The following IGSF10 variants were observed in gnomAD, a reference collection of about 807,000 sequenced individuals.
The protein encoded by IGSF10 is immunoglobulin superfamily member 10.
Under a neutral mutation model 128.2 loss-of-function variants are expected in IGSF10, and 126 were observed. The observed-to-expected ratio is 0.98, with a 90% CI of 0.85 to 1.14. The LOEUF (loss-of-function observed/expected upper bound fraction) is 1.14. IGSF10 is among the 50% of genes most tolerant of loss of function. The pLI is 0.00. For synonymous variants in IGSF10, 1,185 were observed against 1,146.2 expected, an observed-to-expected ratio of 1.03 and a Z score of -0.68; for missense variants, 3,295 against 3,149.8, an observed-to-expected ratio of 1.05 and a Z score of -1.10.
chr3:151,551,821 T>A, the IGSF10 span, among the ~76,000 whole-genome samples: 16 of 152,306 alleles, frequency 1.1e-4, no homozygotes, highest in African/African-American at 3.6e-4. Flanking sequence ...TCAAGAATTT[T>A]AAGTTACAAA....
chr3:151,534,586 G>T, the IGSF10 span, among the ~76,000 whole-genome samples: 1 of 149,088 alleles, frequency 6.7e-6, no homozygotes, highest in Non-Finnish European at 1.5e-5. Flanking sequence ...GTTCTCACTC[G>T]TAAGTGGGAG....
Position 151,443,258 on chromosome 3 carries a change from A to G in IGSF10, c.5689T>C (p.Phe1897Leu), listed in dbSNP as rs796635396. The G allele has an allele frequency of 3.1e-6, 5 of 1,611,582 alleles. No individual in the cohort carries two copies. In the African/African-American group the frequency reaches 4.0e-5, roughly 13 times the overall value. ...LQFTNSKLFL[F>L]SNGTLYIRNL... is the part of the protein sequence containing the mutation. ...CTTATATACAAAGTCCCATTTGAAA[A>G]TAAGAACAACTTGGAATTGGTAAAC... Residue 1897 changes from phenylalanine to leucine, a missense_variant, in exon 7 of 8, where the codon TTT (phenylalanine) becomes CTT (leucine). Transcript: ENST00000282466.
the IGSF10 span, among the ~76,000 whole-genome samples, chr3:151,491,832 TACC>T: frequency 6.6e-6 from 1 of 152,036 alleles, no homozygotes; most frequent in Admixed American, 6.6e-5. Context: ...CACACAAAGA[TACC>T]ACAAGAAAAC....
At chr3:151,494,391 G>C in the IGSF10 span, among the ~76,000 whole-genome samples, 3 of 152,066 alleles carry the variant, frequency 2.0e-5, no homozygotes, top group Non-Finnish European at 4.4e-5. Context: ...TATCTTGAAT[G>C]GGAATGGCTT....
At chr3:151,561,840 G>T in the IGSF10 span, among the ~76,000 whole-genome samples, 2,316 of 152,240 alleles carry the variant, frequency 0.015, 18 homozygotes, top group South Asian at 0.057. Flanking sequence ...ACAATCTTTT[G>T]TGCTGTTTAA....
the IGSF10 span, among the ~76,000 whole-genome samples, chr3:151,544,184 C>T: frequency 2.0e-5 from 3 of 152,350 alleles, no homozygotes; most frequent in Non-Finnish European, 2.9e-5. Context: ...GCTGGGATTA[C>T]AGGCATGAGC....
At chr3:151,504,707 C>T in the IGSF10 span, among the ~76,000 whole-genome samples, 1 of 152,146 alleles carries the variant, frequency 6.6e-6, no homozygotes, top group African/African-American at 2.4e-5. Flanking sequence ...TGAACTATAA[C>T]CTAAATGAAA....
At chr3:151,510,751 A>G in the IGSF10 span, among the ~76,000 whole-genome samples, 2 of 152,216 alleles carry the variant, frequency 1.3e-5, no homozygotes, top group East Asian at 3.9e-4. Context: ...AGAATAACCA[A>G]TGCAGAGAAG....
the IGSF10 span, among the ~76,000 whole-genome samples, chr3:151,578,993 A>G: frequency 2.0e-5 from 3 of 152,214 alleles, no homozygotes; most frequent in Admixed American, 6.5e-5. Context: ...GTGTCAGTCT[A>G]TCAATGGGAA....
chr3:151,538,616 T>C, the IGSF10 span, among the ~76,000 whole-genome samples: 4 of 152,208 alleles, frequency 2.6e-5, no homozygotes, highest in African/African-American at 9.6e-5. Context: ...ACTTTGATGC[T>C]GTTTTTCCAT....
the IGSF10 span, among the ~76,000 whole-genome samples, chr3:151,540,182 C>T: frequency 4.8e-3 from 726 of 152,086 alleles, 2 homozygotes; most frequent in African/African-American, 0.017. Context: ...CACAGAAAAG[C>T]GTATATATCA....
chr3:151,553,775 A>C, the IGSF10 span, among the ~76,000 whole-genome samples: 1 of 152,058 alleles, frequency 6.6e-6, no homozygotes, highest in African/African-American at 2.4e-5. Flanking sequence ...CTCCTCAGTC[A>C]AACCCTATGT....
chr3:151,448,194 T>C lies in IGSF10; in HGVS notation c.1787A>G (p.His596Arg), dbSNP rs1560178396. The change falls in exon 6 of 8, where the codon CAT (histidine) becomes CGT (arginine). Residue 596 changes from histidine to arginine, a missense_variant. By Grantham distance (29) the His-to-Arg change is conservative. Coordinates refer to ENST00000282466, the MANE Select transcript of IGSF10 (RefSeq NM_178822.5). ...AGAGGCATCTGGGATACCAGTAGAA[T>C]GGCATGGAAGATCAAGTGTTTCACC... ...FIGETLDLPC[H>R]STGIPDASIS... 1.2e-6 allele frequency: 2 copies of C among 1,614,102 alleles called. No individual in the cohort carries two copies. The highest frequency in any genetic ancestry group is 2.7e-5 in the African/African-American group (2 of 74,938).
the IGSF10 span, among the ~76,000 whole-genome samples, chr3:151,600,759 A>G: frequency 2.0e-5 from 3 of 152,162 alleles, no homozygotes; most frequent in Non-Finnish European, 1.5e-5. Flanking sequence ...TTTTGTCAAA[A>G]TGATATAATA....
upstream of IGSF10, among the ~76,000 whole-genome samples, chr3:151,463,937 TTAA>T (rs1439495594): frequency 1.3e-5 from 2 of 152,242 alleles, no homozygotes; most frequent in African/African-American, 4.8e-5. Flanking sequence ...CTAACCATGC[TTAA>T]TAATGCAATA....
At chr3:151,458,427 TCATCTCC>T in intron 3 of IGSF10, 82 bp downstream of exon 3, 1 of 935,390 alleles carries the variant, frequency 1.1e-6, no homozygotes, top group Non-Finnish European at 1.5e-6. Context: ...CAATTGAGAT[TCATCTCC>T]CAAAGTCATA....
chr3:151,444,428 C>G (rs1305891772), intron 6 of IGSF10, among the ~76,000 whole-genome samples: 1 of 152,190 alleles, frequency 6.6e-6, no homozygotes, highest in African/African-American at 2.4e-5. Flanking sequence ...CTGTCTCAGC[C>G]TCCCGAGTAG....
In IGSF10 at chr3:151,436,469, A is replaced by AAAG. The variant is rs1720232058; in HGVS notation, c.*217_*219dup. The AAAG allele has an allele frequency of 2.4e-6, 1 of 416,296 alleles. No individual in the cohort carries two copies. Among genetic ancestry groups the AAAG allele is most frequent in the African/African-American group, 2.0e-5 (1 of 49,044 alleles). The allele number at this position is 416,296 out of a possible 1,614,324, so 25.8% of individuals were successfully genotyped here. ...TTTATTGTTATTTGTTGGCAAAATA[A>AAAG]AAGTGCCTTAAGTTAAAAGTTTGTT... On this transcript the variant is annotated 3_prime_UTR_variant, in exon 8 of 8. Coordinates refer to ENST00000282466, the MANE Select transcript of IGSF10 (RefSeq NM_178822.5).
At chr3:151,552,655 A>G in the IGSF10 span, among the ~76,000 whole-genome samples, 1 of 152,286 alleles carries the variant, frequency 6.6e-6, no homozygotes, top group South Asian at 2.1e-4. Flanking sequence ...TCTTTAGCAT[A>G]ACATTGTTAG....
Sources: gnomAD v4.1 joint callset for allele counts (sites outside exome capture counted in the v4.1 genomes callset) on GRCh38, gnomAD v4.1.1 for gene constraint, MANE v1.5 for transcripts, NCBI Gene and HGNC (gene_info 2026-07-23, HGNC 2026-07-21) for gene names.